The following ANO3 variants were observed in gnomAD, a reference collection of about 807,000 sequenced individuals.
ANO3 encodes the protein anoctamin 3.
ANO3 carries 99 observed loss-of-function variants against 144.8 expected under a neutral mutation model. The ratio of observed to expected loss-of-function variants is 0.68; its 90% CI spans 0.58 to 0.81. The LOEUF is 0.81. Among genes scored for constraint, ANO3 ranks in the 30% least tolerant of loss-of-function variants. ANO3 has a pLI of 0.00. For missense variants in ANO3, 905 were observed against 1,202.2 expected (o/e 0.75, Z 3.66); for synonymous variants, 414 against 392.6 (o/e 1.05, Z -0.64).
intron 14 of ANO3, chr11:26,563,037 TA>T: frequency 1.3e-6 from 2 of 1,533,042 alleles, no homozygotes; most frequent in Non-Finnish European, 1.8e-6. Context: ...AATTACCTTC[TA>T]GGCAATGCAG....
Position 26,195,614 on chromosome 11 carries a change from A to G in ANO3, c.154+6284A>G, listed in dbSNP as rs542493934. Among the ~76,000 whole-genome samples the G allele has an allele frequency of 2.6e-5, 4 of 152,322 alleles. No individual in the cohort carries two copies. The East Asian group carries it at 7.7e-4, about 29-fold the overall frequency. Reference sequence around the variant, plus strand: ...ATAGCTAAATTTATAAGCTTCTTTTATATGAGAATATGACAGTGAGGCCAA... The same window carrying G: ...ATAGCTAAATTTATAAGCTTCTTTTGTATGAGAATATGACAGTGAGGCCAA... On this transcript the variant is annotated intron_variant, in intron 1 of 27. Coordinates refer to the ANO3 transcript ENST00000672621.
intron 4 of ANO3, among the ~76,000 whole-genome samples, chr11:26,489,071 G>A (rs1590408861): frequency 6.6e-6 from 1 of 152,182 alleles, no homozygotes; most frequent in East Asian, 1.9e-4. Flanking sequence ...CGACCCAGAA[G>A]CCCAGCTGGC....
intron 14 of ANO3, among the ~76,000 whole-genome samples, chr11:26,585,772 A>C (rs541253567): frequency 6.6e-6 from 1 of 152,212 alleles, no homozygotes; most frequent in Non-Finnish European, 1.5e-5. Context: ...TCAGCAAGTC[A>C]CTTAACCTCT....
rs560544334 is a variant in ANO3 at position 26,515,342 on chromosome 11, T to A, written c.592-1485T>A. Among the ~76,000 whole-genome samples, 45 of 54,772 alleles carry A rather than the reference T, an allele frequency of 8.2e-4. 1 individual carries two copies. The highest frequency in any genetic ancestry group is 2.3e-3 in the African/African-American group (41 of 18,094). The allele number at this position is 54,772 out of a possible 152,430, so 35.9% of individuals were successfully genotyped here. ...CAGCATACTTTATCTCCTGCTTGGATATTTTTTTAGCAAATGCATGCATAT... is the reference window on the plus strand; with the variant it reads ...CAGCATACTTTATCTCCTGCTTGGAAATTTTTTTAGCAAATGCATGCATAT... On this transcript the variant is annotated intron_variant, in intron 5 of 26. Transcript: ENST00000256737.
chr11:26,201,832 T>C (rs983312217), intron 1 of ANO3, among the ~76,000 whole-genome samples: 1 of 151,684 alleles, frequency 6.6e-6, no homozygotes, highest in Admixed American at 6.6e-5. Flanking sequence ...CAGTTTTTCA[T>C]CTGTAGAAGA....
chr11:26,401,030 A>G (rs902082620), intron 1 of ANO3, among the ~76,000 whole-genome samples: 2 of 152,038 alleles, frequency 1.3e-5, no homozygotes, highest in Non-Finnish European at 2.9e-5. Context: ...TCTATGGCTA[A>G]AAACCAAATT....
At chr11:26,617,965 C>T (rs575484302) in intron 17 of ANO3, among the ~76,000 whole-genome samples, 1 of 152,200 alleles carries the variant, frequency 6.6e-6, no homozygotes, top group South Asian at 2.1e-4. Context: ...AAATATTATA[C>T]CATCAAAAGT....
At chr11:26,286,327 G>T (rs140280375) in intron 1 of ANO3, among the ~76,000 whole-genome samples, 1 of 152,114 alleles carries the variant, frequency 6.6e-6, no homozygotes, top group African/African-American at 2.4e-5. Context: ...ATAAAGGCCT[G>T]GGGTTTGTCA....
chr11:26,338,700 C>A (rs998033882), intron 1 of ANO3, among the ~76,000 whole-genome samples: 1 of 151,806 alleles, frequency 6.6e-6, no homozygotes, highest in South Asian at 2.1e-4. Context: ...TGAACCCCCC[C>A]ACTGGGAGAA....
intron 14 of ANO3, among the ~76,000 whole-genome samples, chr11:26,590,557 G>A (rs1223788762): frequency 2.0e-5 from 3 of 152,188 alleles, no homozygotes; most frequent in African/African-American, 7.2e-5. Flanking sequence ...TGGCCTCACG[G>A]ATTCCAAGGA....
At chr11:26,598,533 A>T in intron 15 of ANO3, 86 bp downstream of exon 15, 1 of 926,802 alleles carries the variant, frequency 1.1e-6, no homozygotes, top group Non-Finnish European at 1.7e-6. Flanking sequence ...GGCTGGAAGC[A>T]GTTAACCACC....
chr11:26,380,576 T>C (rs1456483641), intron 1 of ANO3, among the ~76,000 whole-genome samples: 2 of 152,296 alleles, frequency 1.3e-5, no homozygotes, highest in Non-Finnish European at 2.9e-5. Context: ...TGAAACCTCT[T>C]TTACATGGCA....
intron 1 of ANO3, among the ~76,000 whole-genome samples, chr11:26,422,415 A>G (rs1461360): frequency 0.091 from 13,841 of 152,044 alleles, 1,288 homozygotes; most frequent in African/African-American, 0.24. Flanking sequence ...TTTTTAAAAG[A>G]TATCTGTAAT....
chr11:26,210,618 T>C (rs1265509119), intron 1 of ANO3, among the ~76,000 whole-genome samples: 3 of 152,284 alleles, frequency 2.0e-5, no homozygotes, highest in African/African-American at 7.2e-5. Flanking sequence ...TCCATGAGCA[T>C]GGAATGTTTT....
In ANO3 at chr11:26,624,236, A is replaced by G. The variant is rs80323582; in HGVS notation, c.1837-226A>G. On this transcript the variant is annotated intron_variant, in intron 17 of 26. Transcript: ENST00000256737. ...TATTACAGATTACAAGTGTATCTAC[A>G]CACACATATACGTGTACACACATTT... Among the ~76,000 whole-genome samples, 2,528 of 152,352 alleles carry G rather than the reference A, an allele frequency of 0.017. 68 individuals are homozygous for G. The highest frequency in any genetic ancestry group is 0.057 in the African/African-American group (2,369 of 41,574).
At chr11:26,480,792 A>T (rs1450075702) in intron 4 of ANO3, among the ~76,000 whole-genome samples, 1 of 152,204 alleles carries the variant, frequency 6.6e-6, no homozygotes, top group African/African-American at 2.4e-5. Flanking sequence ...TGGGCAACAG[A>T]GTGAGACCCT....
At chr11:26,211,485 A>G (rs1043517180) in intron 1 of ANO3, among the ~76,000 whole-genome samples, 1 of 152,214 alleles carries the variant, frequency 6.6e-6, no homozygotes, top group African/African-American at 2.4e-5. Flanking sequence ...TGATCACTAC[A>G]GACATGCAAA....
At chr11:26,506,967 G>A (rs1326052784) in intron 4 of ANO3, among the ~76,000 whole-genome samples, 2 of 152,182 alleles carry the variant, frequency 1.3e-5, no homozygotes, top group Non-Finnish European at 2.9e-5. Flanking sequence ...ACATTGGAAA[G>A]CATTTTGAAT....
At chr11:26,654,435 A>G (rs981541781) in intron 24 of ANO3, among the ~76,000 whole-genome samples, 9 of 152,044 alleles carry the variant, frequency 5.9e-5, no homozygotes, top group African/African-American at 2.2e-4. Flanking sequence ...GTATATAGAA[A>G]TATTTTTCTA....
Sources: gnomAD v4.1 joint callset for allele counts (sites outside exome capture counted in the v4.1 genomes callset) on GRCh38, gnomAD v4.1.1 for gene constraint, MANE v1.5 for transcripts, NCBI Gene and HGNC (gene_info 2026-07-23, HGNC 2026-07-21) for gene names.